Variants in RAB3B observed in about 807,000 individuals in gnomAD.
RAB3B encodes the protein ras-related protein Rab-3B.
RAB3B carries 11 observed loss-of-function variants against 20.5 expected under a neutral mutation model. That is an observed-to-expected ratio of 0.54 (90% CI 0.34 to 0.89). The LOEUF (loss-of-function observed/expected upper bound fraction) is 0.89. Ranked by LOEUF, RAB3B falls within the 40% of genes least tolerant of loss-of-function variation. The probability of loss-of-function intolerance (pLI) is 0.02; values close to 1 mark genes in which losing one functional copy is unlikely to be tolerated. For synonymous variants in RAB3B, 99 were observed against 106.3 expected, an observed-to-expected ratio of 0.93 and a Z score of 0.42; for missense variants, 225 against 280.9, an observed-to-expected ratio of 0.80 and a Z score of 1.42.
At chr1:51,967,515 C>CTTTTTTTTTTTTTTTTTTTTTTTTTTT (rs67927521) in intron 2 of RAB3B, among the ~76,000 whole-genome samples, 2 of 16,436 alleles carry the variant, frequency 1.2e-4, no homozygotes, top group Non-Finnish European at 5.3e-4. Flanking sequence ...CTTTTCTTTT[C>CTTTTTTTTTTTTTTTTTTTTTTTTTTT]TTTTTCTTTT....
chr1:51,920,197 G>C (rs1290773639), intron 4 of RAB3B, 83 bp from the exon 5 acceptor site: 4 of 1,247,424 alleles, frequency 3.2e-6, no homozygotes, highest in Non-Finnish European at 4.5e-6. Context: ...AAGCACTCTG[G>C]ATTAATATGT....
intron 4 of RAB3B, among the ~76,000 whole-genome samples, chr1:51,929,380 T>C (rs1362102113): frequency 6.6e-6 from 1 of 151,878 alleles, no homozygotes; most frequent in East Asian, 1.9e-4. Context: ...CAGGCTGGAG[T>C]GCAGTGGGGC....
intron 2 of RAB3B, among the ~76,000 whole-genome samples, chr1:51,939,181 C>G (rs978591914): frequency 6.6e-6 from 1 of 152,192 alleles, no homozygotes; most frequent in Admixed American, 6.5e-5. Flanking sequence ...ACACAGTCCT[C>G]GTGTGAGGGA....
At position 51,912,210 on chromosome 1, in the gene RAB3B, G is replaced by C. The variant is rs1684009330; in HGVS notation, c.*7717C>G. 1 of 146,724 alleles carries C rather than the reference G, an allele frequency of 6.8e-6. No homozygotes were observed. The highest frequency in any genetic ancestry group is 2.2e-4 in the South Asian group (1 of 4,634). 9.1% of individuals were successfully genotyped at this position (146,724 alleles called of 1,614,324 possible). On this transcript the variant is annotated 3_prime_UTR_variant, in exon 5 of 5. Coordinates refer to ENST00000371655, the MANE Select transcript of RAB3B (RefSeq NM_002867.4). ...TGTACAATCATGGCTATGGCTCACTGTATTCTTGACCTCCAGGGCTCAATC... is the reference window on the plus strand; with the variant it reads ...TGTACAATCATGGCTATGGCTCACTCTATTCTTGACCTCCAGGGCTCAATC...
intron 4 of RAB3B, among the ~76,000 whole-genome samples, chr1:51,931,277 G>C (rs182835085): frequency 3.0e-4 from 46 of 152,096 alleles, no homozygotes; most frequent in African/African-American, 9.2e-4. Flanking sequence ...CACTGGACTG[G>C]TCCTACTTAT....
rs918425132 is a variant in RAB3B at position 51,914,955 on chromosome 1, G to C, written c.*4972C>G. On this transcript the variant is annotated 3_prime_UTR_variant, in exon 5 of 5. Transcript: ENST00000371655. ...GGTCTTATTCTGTGGATGTTATAAG[G>C]CTTCGGTCACCAAGCAATTGTGGCT... is the stretch of plus-strand genomic sequence containing the variant. 2 of 152,162 alleles carry C rather than the reference G, an allele frequency of 1.3e-5. No homozygotes were observed. The highest frequency in any genetic ancestry group is 3.9e-4 in the East Asian group (2 of 5,192). 9.4% of individuals were successfully genotyped at this position (152,162 alleles called of 1,614,324 possible).
In RAB3B at chr1:51,933,298, T is replaced by C. The variant is rs371184782; in HGVS notation, c.472+20A>G. On this transcript the variant is annotated intron_variant, in intron 4 of 4. Coordinates refer to ENST00000371655, the MANE Select transcript of RAB3B (RefSeq NM_002867.4). ...ATGTGTACAAATGCACACATGCACA[T>C]ACATGTGTCATGTACATACCAAGCT... 1 of 1,612,678 alleles carries C rather than the reference T, an allele frequency of 6.2e-7. No individual in the cohort carries two copies. Among genetic ancestry groups the C allele is most frequent in the Non-Finnish European group, 8.5e-7 (1 of 1,179,404 alleles).
At chr1:51,960,832 A>T (rs1684775277) in intron 2 of RAB3B, among the ~76,000 whole-genome samples, 4 of 152,220 alleles carry the variant, frequency 2.6e-5, no homozygotes, top group Admixed American at 2.6e-4. Flanking sequence ...CCCTAAGATC[A>T]GTCACAGTAG....
intron 1 of RAB3B, among the ~76,000 whole-genome samples, chr1:51,982,002 T>TA (rs1052664171): frequency 2.4e-4 from 36 of 152,278 alleles, no homozygotes; most frequent in African/African-American, 8.4e-4. Flanking sequence ...TAATATTTTT[T>TA]AAAAAGTTAA....
At chr1:51,939,489 C>T (rs1301699651) in intron 2 of RAB3B, among the ~76,000 whole-genome samples, 1 of 152,094 alleles carries the variant, frequency 6.6e-6, no homozygotes, top group Admixed American at 6.6e-5. Context: ...GCACAATCAT[C>T]ATAGCTCACT....
chr1:51,950,277 CTATCTG>C (rs2124274844), intron 2 of RAB3B, among the ~76,000 whole-genome samples: 1 of 152,336 alleles, frequency 6.6e-6, no homozygotes, highest in African/African-American at 2.4e-5. Flanking sequence ...GGACCTGTCC[CTATCTG>C]CCTAGGCATT....
intron 4 of RAB3B, among the ~76,000 whole-genome samples, chr1:51,922,832 G>A (rs567502759): frequency 1.1e-3 from 174 of 152,192 alleles, no homozygotes; most frequent in South Asian, 2.9e-3. Flanking sequence ...GAGTAGCTGG[G>A]ATTACAGGTA....
chr1:51,955,200 A>G (rs1684691829), intron 2 of RAB3B, among the ~76,000 whole-genome samples: 1 of 152,166 alleles, frequency 6.6e-6, no homozygotes, highest in Non-Finnish European at 1.5e-5. Flanking sequence ...TGGGTTGTAT[A>G]TTAAGGTGAT....
intron 2 of RAB3B, among the ~76,000 whole-genome samples, chr1:51,969,226 G>A (rs375522678): frequency 3.8e-4 from 58 of 152,298 alleles, no homozygotes; most frequent in African/African-American, 1.3e-3. Context: ...AAGCCCAGGA[G>A]GTCGAGGCTG....
intron 4 of RAB3B, 119 bp from the exon 5 acceptor site, chr1:51,920,233 G>A (rs1684154397): frequency 2.3e-6 from 2 of 871,900 alleles, no homozygotes; most frequent in Non-Finnish European, 3.4e-6. Flanking sequence ...GAAGCAAAGA[G>A]GCTAAATTCC....
intron 2 of RAB3B, among the ~76,000 whole-genome samples, chr1:51,956,443 G>C (rs1231670998): frequency 6.6e-6 from 1 of 152,122 alleles, no homozygotes; most frequent in East Asian, 1.9e-4. Context: ...TCAGAGCTGG[G>C]AGTTTAACCC....
At chr1:51,934,712 C>G (rs1464327899) in intron 3 of RAB3B, among the ~76,000 whole-genome samples, 1 of 131,844 alleles carries the variant, frequency 7.6e-6, no homozygotes, top group Non-Finnish European at 1.5e-5. Context: ...GGAGGTGGAG[C>G]TTGCAGTGAG....
chr1:51,929,336 TTTTC>T (rs1371895566), intron 4 of RAB3B, among the ~76,000 whole-genome samples: 1 of 152,192 alleles, frequency 6.6e-6, no homozygotes, highest in East Asian at 1.9e-4. Context: ...CTCCCTTTTT[TTTTC>T]TTTTTGAGAT....
In RAB3B at chr1:51,911,115, T is replaced by G. The variant is rs1426169141; in HGVS notation, c.*8812A>C. On this transcript the variant is annotated 3_prime_UTR_variant, in exon 5 of 5. Coordinates refer to ENST00000371655, the MANE Select transcript of RAB3B (RefSeq NM_002867.4). ...ATAGGAACGGATGTGGAGAAAGGAG[T>G]GGCAGTGGAGTTAGCTGTTTTGTCT... 6.6e-6 allele frequency: 1 copy of G among 151,728 alleles called. No homozygotes were observed. The highest frequency in any genetic ancestry group is 1.5e-5 in the Non-Finnish European group (1 of 67,938). The allele number at this position is 151,728 out of a possible 1,614,324, so 9.4% of individuals were successfully genotyped here.
Sources: allele counts gnomAD v4.1 joint callset (sites outside exome capture counted in the v4.1 genomes callset), GRCh38; gene constraint gnomAD v4.1.1; transcripts MANE v1.5; gene names NCBI Gene and HGNC (gene_info 2026-07-23, HGNC 2026-07-21).